SNORC: variants seen among roughly 807,000 people sequenced by gnomAD.
SNORC encodes the protein protein SNORC.
Under a neutral mutation model 9.7 loss-of-function variants are expected in SNORC, and 11 were observed. The ratio of observed to expected loss-of-function variants is 1.14; its 90% CI spans 0.72 to 1.88. The LOEUF is 1.88. SNORC is among the 40% of genes most tolerant of loss of function. The pLI is 0.00. For synonymous variants in SNORC, 108 were observed against 88.7 expected, an observed-to-expected ratio of 1.22 and a Z score of -1.22; for missense variants, 197 against 173.1, an observed-to-expected ratio of 1.14 and a Z score of -0.77.
downstream of SNORC, chr2:232,876,589 A>T: frequency 1.8e-6 from 2 of 1,125,338 alleles, no homozygotes; most frequent in Non-Finnish European, 1.1e-6. The surrounding 1 kb of genome is among the most constrained non-coding windows in gnomAD (Gnocchi z 6.8). Context: ...GTGAGCGCAC[A>T]GCATGTCCGA....
chr2:232,876,693 G>A, downstream of SNORC: 1 of 993,912 alleles, frequency 1.0e-6, no homozygotes, highest in Non-Finnish European at 1.2e-6. This position sits in a 1 kb window ranked among gnomAD's most constrained non-coding sequence, Gnocchi z 6.8. Context: ...GGAGCGCGCC[G>A]CATGTGCGTG....
chr2:232,870,462 C>T (rs369842484), intron 1 of SNORC, 48 bp downstream of exon 1: 32 of 1,506,516 alleles, frequency 2.1e-5, no homozygotes, highest in East Asian at 4.9e-5. Flanking sequence ...CTCCCAGGGC[C>T]GATAACTACC....
chr2:232,870,496 C>G, intron 1 of SNORC, 82 bp downstream of exon 1: 6 of 1,331,366 alleles, frequency 4.5e-6, no homozygotes, highest in Non-Finnish European at 5.2e-6. Flanking sequence ...CTTCAACGTT[C>G]ACTGGGGAGG....
At chr2:232,867,255 T>A (rs1033084414), upstream of SNORC, among the ~76,000 whole-genome samples, 1 of 152,228 alleles carries the variant, frequency 6.6e-6, no homozygotes, top group African/African-American at 2.4e-5. Context: ...ACTTCCATAA[T>A]CCTCAGTATT....
At chr2:232,868,830 C>T (rs1690924736), upstream of SNORC, among the ~76,000 whole-genome samples, 1 of 152,214 alleles carries the variant, frequency 6.6e-6, no homozygotes, top group South Asian at 2.1e-4. Flanking sequence ...AAGCACACCC[C>T]TGTCTAGAAT....
chr2:232,867,865 C>T (rs911333513), upstream of SNORC, among the ~76,000 whole-genome samples: 43 of 152,222 alleles, frequency 2.8e-4, no homozygotes, highest in African/African-American at 1.0e-3. Flanking sequence ...TCCGCCAGTG[C>T]CCAGCTATTC....
upstream of SNORC, among the ~76,000 whole-genome samples, chr2:232,870,075 G>A (rs1690962022): frequency 2.0e-5 from 3 of 151,742 alleles, no homozygotes; most frequent in Admixed American, 2.0e-4. Context: ...GAAAGAGAGA[G>A]AGCACAGGCA....
At chr2:232,869,938 A>G, upstream of SNORC, 1 of 312,250 alleles carries the variant, frequency 3.2e-6, no homozygotes, top group Non-Finnish European at 6.1e-6. Flanking sequence ...ACTGAAACAC[A>G]GTGGCCAGAG....
intron 1 of SNORC, among the ~76,000 whole-genome samples, chr2:232,873,398 C>T (rs1691103524): frequency 6.6e-6 from 1 of 152,004 alleles, no homozygotes; most frequent in African/African-American, 2.4e-5. Flanking sequence ...GAGTGGGGCT[C>T]CCCACTGCCC....
chr2:232,878,698 T>C (rs537457177), downstream of SNORC: 1 of 152,638 alleles, frequency 6.6e-6, no homozygotes, highest in Non-Finnish European at 1.5e-5. Context: ...GACCTTCATC[T>C]TCTTTATTTT....
upstream of SNORC, among the ~76,000 whole-genome samples, chr2:232,869,305 G>C (rs577864496): frequency 5.9e-5 from 9 of 152,228 alleles, no homozygotes; most frequent in African/African-American, 1.9e-4. Flanking sequence ...GCCTAGTCAC[G>C]GCCAGTGGAC....
chr2:232,870,006 C>G (rs1164866913), upstream of SNORC, among the ~76,000 whole-genome samples: 5 of 152,164 alleles, frequency 3.3e-5, no homozygotes, highest in African/African-American at 7.2e-5. Context: ...GCTTGAAAAC[C>G]TTTCATTTTC....
At chr2:232,867,423 A>G (rs930684712), upstream of SNORC, among the ~76,000 whole-genome samples, 3 of 152,250 alleles carry the variant, frequency 2.0e-5, no homozygotes, top group African/African-American at 7.2e-5. Flanking sequence ...AAGACACTCC[A>G]ACATTATAAA....
At chr2:232,876,409 C>T, downstream of SNORC, 2 of 1,485,736 alleles carry the variant, frequency 1.3e-6, no homozygotes, top group East Asian at 2.8e-5. This position sits in a 1 kb window ranked among gnomAD's most constrained non-coding sequence, Gnocchi z 6.8. Flanking sequence ...GCACTCCTCA[C>T]GCGCCTGTAT....
upstream of SNORC, among the ~76,000 whole-genome samples, chr2:232,868,647 T>G (rs549367556): frequency 3.9e-5 from 6 of 152,316 alleles, no homozygotes; most frequent in African/African-American, 1.2e-4. Context: ...TCGCCAAAGA[T>G]AAATCCACCC....
chr2:232,874,167 A>G (rs942676158), intron 1 of SNORC, among the ~76,000 whole-genome samples: 9 of 152,258 alleles, frequency 5.9e-5, no homozygotes, highest in East Asian at 5.8e-4. Context: ...AAATACTCCA[A>G]TGAACTCCAG....
upstream of SNORC, chr2:232,869,130 C>T (rs930991376): frequency 2.0e-5 from 3 of 152,192 alleles, no homozygotes; most frequent in Non-Finnish European, 2.9e-5. Context: ...CATATAAATA[C>T]GCATGCTAAA....
upstream of SNORC, among the ~76,000 whole-genome samples, chr2:232,867,261 G>GCT (rs1690897193): frequency 3.9e-5 from 6 of 152,300 alleles, no homozygotes; most frequent in African/African-American, 1.4e-4. Flanking sequence ...ATAATCCTCA[G>GCT]TATTTCCTTA....
upstream of SNORC, among the ~76,000 whole-genome samples, chr2:232,868,372 C>T (rs1168135664): frequency 6.6e-6 from 1 of 152,178 alleles, no homozygotes; most frequent in Non-Finnish European, 1.5e-5. Context: ...GCTGGGATTA[C>T]AGGCGGGAGC....
Sources: gnomAD v4.1 joint callset for allele counts (sites outside exome capture counted in the v4.1 genomes callset) on GRCh38, gnomAD v4.1.1 for gene constraint, Gnocchi (gnomAD v3.1) non-coding constraint, MANE v1.5 for transcripts, NCBI Gene and HGNC (gene_info 2026-07-23, HGNC 2026-07-21) for gene names.